MAD1L1: variants seen among roughly 807,000 people sequenced by gnomAD.
MAD1L1 encodes the protein mitotic spindle assembly checkpoint protein MAD1.
In MAD1L1, 95 loss-of-function variants were observed where a neutral mutation model predicts 96.9. The observed-to-expected ratio is 0.98, with a 90% CI of 0.83 to 1.16. The LOEUF (loss-of-function observed/expected upper bound fraction) is 1.16, where lower values mean the gene tolerates loss of function less well. Ranked by LOEUF, MAD1L1 falls within the 50% of genes most tolerant of loss-of-function variation. The pLI is 0.00. For missense variants in MAD1L1, 1,007 were observed against 954.4 expected (o/e 1.06, Z -0.73); for synonymous variants, 473 against 396.6 (o/e 1.19, Z -2.29).
At chr7:2,036,888 C>T (rs1783459401) in intron 12 of MAD1L1, among the ~76,000 whole-genome samples, 1 of 152,144 alleles carries the variant, frequency 6.6e-6, no homozygotes, top group Non-Finnish European at 1.5e-5. Context: ...TAGATCCCAC[C>T]AACGCCACTC....
intron 13 of MAD1L1, among the ~76,000 whole-genome samples, chr7:2,005,050 G>A (rs529525715): frequency 3.3e-5 from 5 of 152,210 alleles, no homozygotes; most frequent in Non-Finnish European, 7.3e-5. Flanking sequence ...TCCCGTGAGA[G>A]TGCAGCCCCG....
At chr7:1,909,706 T>C (rs1490298964) in intron 17 of MAD1L1, among the ~76,000 whole-genome samples, 3 of 152,186 alleles carry the variant, frequency 2.0e-5, no homozygotes, top group Non-Finnish European at 2.9e-5. Flanking sequence ...CCCCAGGAAC[T>C]GGCTTTGGCA....
At chr7:1,924,659 C>T (rs1788995057) in intron 17 of MAD1L1, among the ~76,000 whole-genome samples, 1 of 152,172 alleles carries the variant, frequency 6.6e-6, no homozygotes, top group South Asian at 2.1e-4. Flanking sequence ...CAGGGGAACC[C>T]AGGAACGCCA....
Position 1,970,483 on chromosome 7 carries a change from G to A in MAD1L1, c.1505+9970C>T, listed in dbSNP as rs542273886. On this transcript the variant is annotated intron_variant, in intron 15 of 18. Coordinates refer to ENST00000265854, the MANE Select transcript of MAD1L1 (RefSeq NM_001013836.2). Reference sequence around the variant, plus strand: ...CAAGTAGCTGGAATTACAGGCACGCGCCACCACGCCCAGCTAAGTTTTCCA... The same window carrying A: ...CAAGTAGCTGGAATTACAGGCACGCACCACCACGCCCAGCTAAGTTTTCCA... 6.6e-5 allele frequency among the ~76,000 whole-genome samples: 10 copies of A among 151,920 alleles called. No homozygotes were observed. In the East Asian group the frequency reaches 9.7e-4, roughly 15 times the overall value.
intron 18 of MAD1L1, among the ~76,000 whole-genome samples, chr7:1,865,362 CCCCAGGCCTGGTGCCAGCCCCGGGGCAT>C (rs1158283707): frequency 6.6e-6 from 1 of 152,172 alleles, no homozygotes; most frequent in Non-Finnish European, 1.5e-5. Context: ...CAGATGGGGC[CCCCAGGCCTGGTGCCAGCCCCGGGGCAT>C]CCCAGCCCTG....
intron 14 of MAD1L1, among the ~76,000 whole-genome samples, chr7:2,001,681 C>T (rs1204922409): frequency 2.6e-5 from 4 of 152,270 alleles, no homozygotes; most frequent in Admixed American, 2.6e-4. Flanking sequence ...ACTGGGGACT[C>T]GGGTCCTGTG....
intron 11 of MAD1L1, among the ~76,000 whole-genome samples, chr7:2,083,142 C>G (rs1343668393): frequency 1.3e-5 from 2 of 152,234 alleles, no homozygotes; most frequent in Non-Finnish European, 2.9e-5. Context: ...CCAAAGCATT[C>G]CCCGTGCTGA....
At chr7:2,066,683 C>CT (rs1562653973) in intron 12 of MAD1L1, among the ~76,000 whole-genome samples, 1 of 152,176 alleles carries the variant, frequency 6.6e-6, no homozygotes. Flanking sequence ...TCCCAGAAGG[C>CT]TGCGGGGCTC....
In MAD1L1 at chr7:1,856,889, G is replaced by A. The variant is rs1784285354; in HGVS notation, c.1999-40661C>T. Among the ~76,000 whole-genome samples, 2 of 152,148 alleles carry A rather than the reference G, an allele frequency of 1.3e-5. 1 individual carries two copies. Among genetic ancestry groups the A allele is most frequent in the South Asian group, 4.1e-4 (2 of 4,834 alleles). ...AGGGAGAGGGAGCCTGGACCTCGCTGCCTGTGTGTCCCCAGGGAGGCCTTC... is the reference window on the plus strand; with the variant it reads ...AGGGAGAGGGAGCCTGGACCTCGCTACCTGTGTGTCCCCAGGGAGGCCTTC... On this transcript the variant is annotated intron_variant, in intron 18 of 18. Coordinates refer to ENST00000265854, the MANE Select transcript of MAD1L1 (RefSeq NM_001013836.2).
chr7:2,219,433 C>A lies in MAD1L1; in HGVS notation c.495G>T (p.Arg165Ser), dbSNP rs1340352532. 3 of 1,613,628 alleles carry A rather than the reference C, an allele frequency of 1.9e-6. No homozygotes were observed. The highest frequency in any genetic ancestry group is 2.5e-6 in the Non-Finnish European group (3 of 1,179,908). Residue 165 changes from arginine to serine, a missense_variant, in exon 6 of 19, where the codon AGG becomes AGT. Coordinates refer to ENST00000265854, the MANE Select transcript of MAD1L1 (RefSeq NM_001013836.2). Reference sequence around the variant, plus strand: ...TCACGCTCCACTGCAGTTCCGAGATCCTCCCCTTCAGTGCGTTGATGGTCT... The same window carrying A: ...TCACGCTCCACTGCAGTTCCGAGATACTCCCCTTCAGTGCGTTGATGGTCT... ...AGETINALKG[R>S]ISELQWSVMD...
chr7:2,100,519 C>T (rs1169625281), intron 11 of MAD1L1, among the ~76,000 whole-genome samples: 1 of 152,268 alleles, frequency 6.6e-6, no homozygotes, highest in Non-Finnish European at 1.5e-5. Flanking sequence ...GCGTCTGCCT[C>T]GTCCTGGCAG....
At chr7:1,868,212 C>T (rs964069314) in intron 18 of MAD1L1, among the ~76,000 whole-genome samples, 2 of 152,018 alleles carry the variant, frequency 1.3e-5, no homozygotes, top group Non-Finnish European at 1.5e-5. Context: ...CCAAGATAAC[C>T]TTGAGGCAGA....
intron 18 of MAD1L1, among the ~76,000 whole-genome samples, chr7:1,824,332 C>T (rs1314085671): frequency 1.4e-5 from 2 of 138,976 alleles, no homozygotes; most frequent in Non-Finnish European, 3.2e-5. Context: ...GCTGCGTGAC[C>T]CTGGGCACAC....
chr7:1,969,042 C>T (rs1162887930), intron 15 of MAD1L1, among the ~76,000 whole-genome samples: 1 of 152,188 alleles, frequency 6.6e-6, no homozygotes, highest in Non-Finnish European at 1.5e-5. Flanking sequence ...ATTTCCGCAA[C>T]TTGCCTATTG....
rs544189710 is a variant in MAD1L1, at chr7:2,036,395, T to C, written c.1219-21753A>G. ...AGTCAGGACAGGGGAGGACGATGCATTCCTGCGCCACCTCCGTGCGGGGAA... is the reference window on the plus strand; with the variant it reads ...AGTCAGGACAGGGGAGGACGATGCACTCCTGCGCCACCTCCGTGCGGGGAA... On this transcript the variant is annotated intron_variant, in intron 12 of 18. Transcript: ENST00000265854. 5.3e-5 allele frequency among the ~76,000 whole-genome samples: 8 copies of C among 152,352 alleles called. No individual in the cohort carries two copies. In the East Asian group the frequency reaches 1.5e-3, roughly 29 times the overall value.
chr7:1,864,790 C>A (rs569209554), intron 18 of MAD1L1, among the ~76,000 whole-genome samples: 3 of 152,126 alleles, frequency 2.0e-5, no homozygotes, highest in African/African-American at 4.8e-5. Context: ...GCCTGGTGCC[C>A]CCCGCCCCCA....
intron 12 of MAD1L1, among the ~76,000 whole-genome samples, chr7:2,028,894 C>T (rs1783099447): frequency 6.6e-6 from 1 of 152,020 alleles, no homozygotes; most frequent in South Asian, 2.1e-4. Context: ...AATAAGGCTT[C>T]ACACAGTGCA....
intron 12 of MAD1L1, among the ~76,000 whole-genome samples, chr7:2,031,286 C>T (rs996870789): frequency 6.6e-6 from 1 of 152,184 alleles, no homozygotes; most frequent in African/African-American, 2.4e-5. Context: ...CAGCCAGCTC[C>T]TCCTCTGGCT....
chr7:2,034,494 G>A (rs1048341715), intron 12 of MAD1L1, among the ~76,000 whole-genome samples: 1 of 152,174 alleles, frequency 6.6e-6, no homozygotes, highest in Admixed American at 6.5e-5. Context: ...AGGATTACAG[G>A]CATGAGCCAC....
Sources: gnomAD v4.1 joint callset for allele counts (sites outside exome capture counted in the v4.1 genomes callset) on GRCh38, gnomAD v4.1.1 for gene constraint, MANE v1.5 for transcripts, NCBI Gene and HGNC (gene_info 2026-07-23, HGNC 2026-07-21) for gene names.